Variants in C6 observed in about 807,000 individuals in gnomAD.
The protein encoded by C6 is complement C6, also known as complement component C6.
C6 carries 101 observed loss-of-function variants against 112.9 expected under a neutral mutation model. The ratio of observed to expected loss-of-function variants is 0.89; its 90% confidence interval spans 0.76 to 1.06. The LOEUF (loss-of-function observed/expected upper bound fraction) is 1.06, where lower values mean the gene tolerates loss of function less well. Ranked by LOEUF, C6 falls within the 50% of genes least tolerant of loss-of-function variation. The pLI is 0.00. For missense variants in C6, 1,202 were observed against 1,104.6 expected, an observed-to-expected ratio of 1.09 and a Z score of -1.25; for synonymous variants, 431 against 384.1, an observed-to-expected ratio of 1.12 and a Z score of -1.43.
intron 1 of C6, among the ~76,000 whole-genome samples, chr5:41,248,622 G>A (rs1197746605): frequency 6.6e-6 from 1 of 152,136 alleles, no homozygotes; most frequent in African/African-American, 2.4e-5. Flanking sequence ...ACCACAATGA[G>A]ATACCATCTC....
At chr5:41,206,061 G>A (rs1294501281) in intron 1 of C6, among the ~76,000 whole-genome samples, 1 of 152,204 alleles carries the variant, frequency 6.6e-6, no homozygotes, top group African/African-American at 2.4e-5. Flanking sequence ...CCGTTCTGCA[G>A]TGTGGGCTGT....
chr5:41,229,175 A>C, intron 1 of C6, among the ~76,000 whole-genome samples: 1 of 151,914 alleles, frequency 6.6e-6, no homozygotes, highest in East Asian at 1.9e-4. Context: ...TCTATTTTCT[A>C]TTTCATTTAT....
chr5:41,153,737 G>A (rs1746627036), intron 15 of C6, 73 bp downstream of exon 15: 6 of 1,106,566 alleles, frequency 5.4e-6, no homozygotes, highest in Non-Finnish European at 8.3e-6. Flanking sequence ...AAATATAATG[G>A]CTATAGAGGC....
At chr5:41,194,858 A>T (rs1376148270) in intron 5 of C6, among the ~76,000 whole-genome samples, 1 of 152,132 alleles carries the variant, frequency 6.6e-6, no homozygotes, top group Non-Finnish European at 1.5e-5. Flanking sequence ...TGTGCTCATG[A>T]TTGGGTATTC....
chr5:41,159,384 A>G (rs995339175), intron 11 of C6, 131 bp from the exon 12 acceptor site: 3 of 1,449,632 alleles, frequency 2.1e-6, no homozygotes, highest in African/African-American at 1.4e-5. Context: ...GGTTCTTCTA[A>G]GGATTAAAAG....
At chr5:41,176,791 A>T (rs777344957) in intron 7 of C6, 76 bp from the exon 8 acceptor site, 7 of 1,320,798 alleles carry the variant, frequency 5.3e-6, no homozygotes, top group Non-Finnish European at 5.3e-6. Flanking sequence ...AATGTCATTG[A>T]TTTATCATTA....
intron 1 of C6, among the ~76,000 whole-genome samples, chr5:41,211,689 G>A (rs1172318677): frequency 6.6e-6 from 1 of 151,770 alleles, no homozygotes; most frequent in Non-Finnish European, 1.5e-5. Context: ...CTCATACAGG[G>A]ACCTTTTCAG....
At chr5:41,172,457 T>A in intron 8 of C6, 110 bp from the exon 9 acceptor site, 1 of 1,041,582 alleles carries the variant, frequency 9.6e-7, no homozygotes, top group Non-Finnish European at 1.5e-6. Flanking sequence ...TATTAGCCCC[T>A]CTCTTCCCCA....
chr5:41,176,776 AT>A, intron 7 of C6, 61 bp from the exon 8 acceptor site: 1 of 1,437,376 alleles, frequency 7.0e-7, no homozygotes, highest in East Asian at 2.3e-5. Context: ...AGTACCTAGC[AT>A]TTAAATGTCA....
At chr5:41,184,969 A>G (rs1749656555) in intron 6 of C6, among the ~76,000 whole-genome samples, 2 of 152,206 alleles carry the variant, frequency 1.3e-5, no homozygotes, top group Non-Finnish European at 1.5e-5. Flanking sequence ...TTGTAAAACT[A>G]CATGAAATAG....
intron 14 of C6, 117 bp downstream of exon 14, chr5:41,154,854 AC>A (rs1286882912): frequency 9.7e-7 from 1 of 1,032,284 alleles, no homozygotes; most frequent in Admixed American, 1.8e-5. Flanking sequence ...AAAATCTTTC[AC>A]CAGAGTTACT....
At chr5:41,211,172 G>T (rs922719702) in intron 1 of C6, among the ~76,000 whole-genome samples, 1 of 152,068 alleles carries the variant, frequency 6.6e-6, no homozygotes, top group Non-Finnish European at 1.5e-5. Context: ...TCACTTATAG[G>T]TGGGAATTGA....
intron 7 of C6, among the ~76,000 whole-genome samples, chr5:41,179,966 G>A (rs980457121): frequency 2.0e-5 from 3 of 151,986 alleles, no homozygotes; most frequent in East Asian, 1.9e-4. Flanking sequence ...TTTAGTTAGT[G>A]CCTGACTCAT....
intron 9 of C6, among the ~76,000 whole-genome samples, chr5:41,165,883 A>G (rs1001803744): frequency 1.3e-5 from 2 of 152,172 alleles, no homozygotes; most frequent in African/African-American, 2.4e-5. Flanking sequence ...TTTAGGCGAT[A>G]TGCAATGAAC....
At chr5:41,211,976 T>C (rs1336589107) in intron 1 of C6, among the ~76,000 whole-genome samples, 2 of 152,178 alleles carry the variant, frequency 1.3e-5, no homozygotes, top group Non-Finnish European at 2.9e-5. Flanking sequence ...AGAACCCTTA[T>C]AAAATATTCT....
chr5:41,186,479 A>T, intron 5 of C6: 1 of 412,556 alleles, frequency 2.4e-6, no homozygotes, highest in Non-Finnish European at 4.4e-6. Context: ...CAAAATCTGG[A>T]TTTATAATTT....
At chr5:41,172,933 G>A (rs1748549446) in intron 8 of C6, among the ~76,000 whole-genome samples, 1 of 152,060 alleles carries the variant, frequency 6.6e-6, no homozygotes, top group African/African-American at 2.4e-5. Flanking sequence ...TAATTCACCT[G>A]CTCACTCAGC....
chr5:41,181,964 A>G (rs1031163942), intron 6 of C6, among the ~76,000 whole-genome samples: 2 of 152,166 alleles, frequency 1.3e-5, no homozygotes, highest in Admixed American at 1.3e-4. Context: ...AGTTCTGACA[A>G]CTGGGCTTGT....
At chr5:41,231,722 ATTCTGT>A (rs1389758369) in intron 1 of C6, among the ~76,000 whole-genome samples, 4 of 151,946 alleles carry the variant, frequency 2.6e-5, no homozygotes, top group Non-Finnish European at 5.9e-5. Context: ...TGTGCCTATG[ATTCTGT>A]TTCTAACATG....
Sources: gnomAD v4.1 joint callset for allele counts (sites outside exome capture counted in the v4.1 genomes callset) on GRCh38, gnomAD v4.1.1 for gene constraint, MANE v1.5 for transcripts, NCBI Gene and HGNC (gene_info 2026-07-23, HGNC 2026-07-21) for gene names.